The following MAD2L2 variants were observed in gnomAD, a reference collection of about 807,000 sequenced individuals.
MAD2L2 encodes the protein mitotic arrest deficient 2 like 2, also known as mitotic spindle assembly checkpoint protein MAD2B.
MAD2L2 carries 17 observed loss-of-function variants against 30.5 expected under a neutral mutation model. That is an observed-to-expected ratio of 0.56 (90% CI 0.38 to 0.84). The LOEUF (loss-of-function observed/expected upper bound fraction) is 0.84, where lower values mean the gene tolerates loss of function less well. Among genes scored for constraint, MAD2L2 ranks in the 40% least tolerant of loss-of-function variants. MAD2L2 has a pLI of 0.00. For synonymous variants in MAD2L2, 101 were observed against 113.9 expected (o/e 0.89, Z 0.72); for missense variants, 213 against 277.4 (o/e 0.77, Z 1.65).
chr1:11,676,347 A>G (rs1640768785), intron 5 of MAD2L2, among the ~76,000 whole-genome samples: 1 of 152,170 alleles, frequency 6.6e-6, no homozygotes, highest in Non-Finnish European at 1.5e-5. Flanking sequence ...AGATAAAGTC[A>G]GAATTCGGCG....
intron 4 of MAD2L2, 178 bp from the exon 5 acceptor site, chr1:11,677,126 G>A (rs570887124): frequency 4.6e-6 from 3 of 649,172 alleles, no homozygotes; most frequent in Admixed American, 5.4e-5. Context: ...GCACCCTCCA[G>A]CATGAGTGGT....
At position 11,674,887 on chromosome 1, in the gene MAD2L2, C is replaced by T; in HGVS notation, c.595-71G>A. ...CATCCCTGCTGGAGGACACAGAAGC[C>T]CCTGGTGGGCAGACCTCCACCACAG... On this transcript the variant is annotated intron_variant, in intron 8 of 8. Coordinates refer to ENST00000376692, the MANE Select transcript of MAD2L2 (RefSeq NM_006341.4). The surrounding 1 kb of genome is among the most constrained non-coding windows in gnomAD (Gnocchi z 6.1). The T allele has an allele frequency of 6.4e-7, 1 of 1,562,402 alleles. No homozygotes were observed. Among genetic ancestry groups the T allele is most frequent in the Non-Finnish European group, 8.8e-7 (1 of 1,134,290 alleles).
chr1:11,674,688 G>C lies in MAD2L2; in HGVS notation c.*87C>G. On this transcript the variant is annotated 3_prime_UTR_variant, in exon 9 of 9. Coordinates refer to ENST00000376692, the MANE Select transcript of MAD2L2 (RefSeq NM_006341.4). This position sits in a 1 kb window ranked among gnomAD's most constrained non-coding sequence, Gnocchi z 6.1. ...CACACAGAGGCGATAAGAGCACTTGGAATCAGGGCAGCCATGCAGCACTGC... is the reference window on the plus strand; with the variant it reads ...CACACAGAGGCGATAAGAGCACTTGCAATCAGGGCAGCCATGCAGCACTGC... 1 of 1,395,638 alleles carries C rather than the reference G, an allele frequency of 7.2e-7. No individual in the cohort carries two copies. The allele number at this position is 1,395,638 out of a possible 1,614,324, so 86.5% of individuals were successfully genotyped here.
intron 1 of MAD2L2, among the ~76,000 whole-genome samples, chr1:11,689,275 A>G (rs1226740197): frequency 6.9e-6 from 1 of 145,238 alleles, no homozygotes; most frequent in African/African-American, 2.6e-5. Flanking sequence ...CCTGGGCAAC[A>G]AAGTGAGACT....
At position 11,674,553 on chromosome 1, in the gene MAD2L2, C is replaced by T. The variant is rs1301227628; in HGVS notation, c.*222G>A. On this transcript the variant is annotated 3_prime_UTR_variant, in exon 9 of 9. Coordinates refer to ENST00000376692, the MANE Select transcript of MAD2L2 (RefSeq NM_006341.4). This position sits in a 1 kb window ranked among gnomAD's most constrained non-coding sequence, Gnocchi z 6.1. Reference sequence around the variant, plus strand: ...ATTTGAGACAGACAGTGTTGGCCGGCGGAACCCCAGGAGGCTGAGAAGTCG... The same window carrying T: ...ATTTGAGACAGACAGTGTTGGCCGGTGGAACCCCAGGAGGCTGAGAAGTCG... 5.4e-6 allele frequency: 3 copies of T among 559,002 alleles called. No individual in the cohort carries two copies. Among genetic ancestry groups the T allele is most frequent in the East Asian group, 3.0e-5 (1 of 32,868 alleles). The allele number at this position is 559,002 out of a possible 1,614,324, so 34.6% of individuals were successfully genotyped here. A position where few individuals can be genotyped will look rare whatever the true frequency, so the allele number is the denominator to read the frequency against.
upstream of MAD2L2, among the ~76,000 whole-genome samples, chr1:11,682,394 G>A (rs184624014): frequency 6.6e-6 from 1 of 152,300 alleles, no homozygotes; most frequent in African/African-American, 2.4e-5. Flanking sequence ...TTTGGACACA[G>A]ATCTAGCCAG....
rs779749140 is a variant in MAD2L2, at chr1:11,676,960, G to C, written c.232-12C>G. The C allele has an allele frequency of 6.2e-7, 1 of 1,606,812 alleles. No individual in the cohort carries two copies. The highest frequency in any genetic ancestry group is 1.7e-5 in the Admixed American group (1 of 60,002). On this transcript the variant is annotated splice_polypyrimidine_tract_variant and intron_variant, in intron 4 of 8. Coordinates refer to ENST00000376692, the MANE Select transcript of MAD2L2 (RefSeq NM_006341.4). ...TTCTCCACATCATTCTGCAAAGAGA[G>C]GAACCCCCACTGCAGAGCCAGGCAC...
In MAD2L2 at chr1:11,676,945, C is replaced by G. The variant is rs757076066; in HGVS notation, c.235G>C (p.Asp79His). 1.2e-6 allele frequency: 2 copies of G among 1,613,542 alleles called. No homozygotes were observed. Among genetic ancestry groups the G allele is most frequent in the Admixed American group, 3.3e-5 (2 of 60,016 alleles). Reference protein sequence around the residue: ...HCVKPLLEKNDVEKVVVVILD... With the variant: ...HCVKPLLEKNHVEKVVVVILD... ...ATCACCACCACCACTTTCTCCACAT[C>G]ATTCTGCAAAGAGAGGAACCCCCAC... The change falls in exon 5 of 9, where the codon GAT becomes CAT. Residue 79 changes from aspartate (D) to histidine (H), a missense_variant. Transcript: ENST00000376692.
At chr1:11,686,600 G>A (rs772471088) in intron 1 of MAD2L2, among the ~76,000 whole-genome samples, 2 of 151,998 alleles carry the variant, frequency 1.3e-5, no homozygotes, top group African/African-American at 2.4e-5. Context: ...ACGGGGTTTC[G>A]CCATGTTGGC....
At chr1:11,680,799 G>A in intron 1 of MAD2L2, 186 bp from the exon 2 acceptor site, 2 of 1,299,894 alleles carry the variant, frequency 1.5e-6, no homozygotes, top group Non-Finnish European at 2.0e-6. Context: ...GGGGGCATCA[G>A]CCTCTATCCA....
chr1:11,683,016 C>T (rs28924089), upstream of MAD2L2, among the ~76,000 whole-genome samples: 14 of 152,334 alleles, frequency 9.2e-5, no homozygotes, highest in South Asian at 4.1e-4. Context: ...AAGGGTCTTT[C>T]CTTTCCCTCT....
At chr1:11,691,199 G>T (rs1290023714) in intron 1 of MAD2L2, among the ~76,000 whole-genome samples, 1 of 152,102 alleles carries the variant, frequency 6.6e-6, no homozygotes, top group Admixed American at 6.5e-5. Flanking sequence ...GACAGTCTAG[G>T]CGGAATAATC....
intron 5 of MAD2L2, among the ~76,000 whole-genome samples, chr1:11,676,356 C>T (rs1410586737): frequency 2.6e-5 from 4 of 152,000 alleles, no homozygotes; most frequent in Admixed American, 6.5e-5. Flanking sequence ...CAGAATTCGG[C>T]GGGGGGTAGG....
upstream of MAD2L2, among the ~76,000 whole-genome samples, chr1:11,685,475 C>T (rs1054617531): frequency 2.6e-5 from 4 of 152,158 alleles, no homozygotes; most frequent in Non-Finnish European, 4.4e-5. Context: ...TCCCCAGCAC[C>T]CACTGGGCCT....
intron 7 of MAD2L2, 90 bp from the exon 8 acceptor site, chr1:11,675,264 T>A (rs946485618): frequency 1.2e-6 from 1 of 842,812 alleles, no homozygotes; most frequent in Non-Finnish European, 1.9e-6. Context: ...ACCAGGGGCC[T>A]CCAACCTGAG....
In MAD2L2 at chr1:11,688,560, CA is replaced by C. The variant is rs35208427; in HGVS notation, c.-692+2852del. 0.58 allele frequency among the ~76,000 whole-genome samples: 84,636 copies of C among 146,902 alleles called. 25,551 individuals carry two copies. Among genetic ancestry groups the C allele is most frequent in the African/African-American group, 0.81 (32,475 of 40,286 alleles). ...TGGACAACAGAGCAAGACTGCATCT[CA>C]AAAAAAAAAAAGAAAAAGCAATCAG... On this transcript the variant is annotated intron_variant, in intron 1 of 10. Transcript: ENST00000235310. This position sits in a 1 kb window ranked among gnomAD's most constrained non-coding sequence, Gnocchi z 4.6.
chr1:11,679,985 GTTTTT>G (rs70983583), intron 3 of MAD2L2, among the ~76,000 whole-genome samples: 2 of 87,566 alleles, frequency 2.3e-5, no homozygotes, highest in African/African-American at 9.0e-5. Context: ...AGTGGAAGAG[GTTTTT>G]TTTTTTTTTT....
intron 3 of MAD2L2, among the ~76,000 whole-genome samples, chr1:11,678,699 C>T (rs77472031): frequency 1.5e-3 from 229 of 152,228 alleles, no homozygotes; most frequent in African/African-American, 5.2e-3. Context: ...TTTTCCTTTC[C>T]CCTCTAAAGG....
upstream of MAD2L2, among the ~76,000 whole-genome samples, chr1:11,684,870 C>T (rs367682730): frequency 4.9e-4 from 75 of 152,026 alleles, 1 homozygote; most frequent in South Asian, 0.015. Flanking sequence ...AGGGACCCAG[C>T]CCTCATTCAT....
Sources: gnomAD v4.1 joint callset for allele counts (sites outside exome capture counted in the v4.1 genomes callset) on GRCh38, gnomAD v4.1.1 for gene constraint, Gnocchi (gnomAD v3.1) non-coding constraint, MANE v1.5 for transcripts, NCBI Gene and HGNC (gene_info 2026-07-23, HGNC 2026-07-21) for gene names.